GPC6: variants seen among roughly 807,000 people sequenced by gnomAD.
The protein encoded by GPC6 is glypican-6.
Under a neutral mutation model 55.2 loss-of-function variants are expected in GPC6, and 14 were observed. That is an observed-to-expected ratio of 0.25 (90% CI 0.17 to 0.40). GPC6 has a LOEUF of 0.40. Ranked by LOEUF, GPC6 falls within the 10% of genes least tolerant of loss-of-function variation. The pLI, the probability that GPC6 is intolerant of heterozygous loss-of-function variation, is 1.00. For missense variants in GPC6, 641 were observed against 708.5 expected, an observed-to-expected ratio of 0.90 and a Z score of 1.08; for synonymous variants, 278 against 259.6, an observed-to-expected ratio of 1.07 and a Z score of -0.68.
intron 6 of GPC6, among the ~76,000 whole-genome samples, chr13:94,336,985 C>A (rs569829976): frequency 2.6e-5 from 4 of 152,102 alleles, no homozygotes; most frequent in South Asian, 2.1e-4. Context: ...TTATAGAAAC[C>A]CTTCTAACTG....
intron 4 of GPC6, among the ~76,000 whole-genome samples, chr13:94,161,117 T>C (rs1418995572): frequency 6.6e-6 from 1 of 152,238 alleles, no homozygotes; most frequent in Non-Finnish European, 1.5e-5. Flanking sequence ...GTGAATCATA[T>C]TTTATTAAAT....
At chr13:94,087,906 T>A (rs1885346794) in intron 4 of GPC6, among the ~76,000 whole-genome samples, 1 of 152,224 alleles carries the variant, frequency 6.6e-6, no homozygotes, top group Non-Finnish European at 1.5e-5. Context: ...GCAGCAATCA[T>A]TTCTTTGTGG....
intron 2 of GPC6, among the ~76,000 whole-genome samples, chr13:93,565,379 C>T (rs1485035988): frequency 6.6e-6 from 1 of 152,122 alleles, no homozygotes; most frequent in African/African-American, 2.4e-5. Context: ...GCTTATATGG[C>T]AACATTTTAA....
intron 5 of GPC6, among the ~76,000 whole-genome samples, chr13:94,299,540 G>A (rs1875528472): frequency 6.6e-6 from 1 of 152,192 alleles, no homozygotes; most frequent in African/African-American, 2.4e-5. Context: ...CTCATGGGCT[G>A]GATTAGTAGT....
chr13:93,827,892 A>C (rs1887321326), intron 2 of GPC6, among the ~76,000 whole-genome samples: 1 of 144,352 alleles, frequency 6.9e-6, no homozygotes, highest in East Asian at 2.1e-4. Flanking sequence ...CAGAAGAAAA[A>C]ATAAAAAAAA....
intron 3 of GPC6, among the ~76,000 whole-genome samples, chr13:93,936,100 C>A (rs1186709355): frequency 6.6e-6 from 1 of 152,068 alleles, no homozygotes; most frequent in Non-Finnish European, 1.5e-5. Flanking sequence ...TACATAAGAA[C>A]CAAAACATTG....
chr13:94,142,063 A>G (rs1887398726), intron 4 of GPC6, among the ~76,000 whole-genome samples: 1 of 151,698 alleles, frequency 6.6e-6, no homozygotes, highest in South Asian at 2.1e-4. Flanking sequence ...TGCCTATACT[A>G]TCATTCAAAA....
At chr13:93,709,867 C>A (rs1296297579) in intron 2 of GPC6, among the ~76,000 whole-genome samples, 1 of 151,624 alleles carries the variant, frequency 6.6e-6, no homozygotes, top group Non-Finnish European at 1.5e-5. Flanking sequence ...ACCAGATTCC[C>A]GTCAGGAAGT....
intron 2 of GPC6, among the ~76,000 whole-genome samples, chr13:93,798,891 C>T (rs944624695): frequency 6.8e-5 from 9 of 132,592 alleles, no homozygotes; most frequent in African/African-American, 2.7e-4. Context: ...TGCACTCCAG[C>T]CTGGGTGACA....
At chr13:93,837,804 A>C (rs1277854970) in intron 3 of GPC6, among the ~76,000 whole-genome samples, 1 of 152,198 alleles carries the variant, frequency 6.6e-6, no homozygotes, top group Admixed American at 6.5e-5. Context: ...ACCATGTGTT[A>C]AAGGTTGCAT....
At chr13:93,296,523 C>G (rs554733292) in intron 1 of GPC6, among the ~76,000 whole-genome samples, 2 of 152,180 alleles carry the variant, frequency 1.3e-5, no homozygotes, top group South Asian at 4.1e-4. Context: ...GATGTTCTTT[C>G]TGCTTGAGAC....
At chr13:93,860,152 C>G (rs1888763675) in intron 3 of GPC6, among the ~76,000 whole-genome samples, 1 of 151,610 alleles carries the variant, frequency 6.6e-6, no homozygotes, top group African/African-American at 2.4e-5. Context: ...TTGGGCCACC[C>G]TAAATCAAAT....
chr13:93,557,804 T>G (rs1179594193), intron 2 of GPC6, among the ~76,000 whole-genome samples: 1 of 152,234 alleles, frequency 6.6e-6, no homozygotes, highest in Non-Finnish European at 1.5e-5. Flanking sequence ...ATAAGTTTTA[T>G]ATATTTTTAA....
intron 2 of GPC6, among the ~76,000 whole-genome samples, chr13:93,632,617 GTA>G (rs201000882): frequency 1.7e-3 from 87 of 51,736 alleles, no homozygotes; most frequent in African/African-American, 2.3e-3. Context: ...GTATATATAT[GTA>G]TATATATATA....
At chr13:93,604,854 GAATGAATAAACACAGGTGTTTGT>G (rs1878174096) in intron 2 of GPC6, among the ~76,000 whole-genome samples, 1 of 152,146 alleles carries the variant, frequency 6.6e-6, no homozygotes, top group South Asian at 2.1e-4. Context: ...AAGAGTGAGT[GAATGAATAAACACAGGTGTTTGT>G]AAGGCGACAT....
chr13:94,127,828 G>A (rs902575418), intron 4 of GPC6, among the ~76,000 whole-genome samples: 7 of 152,092 alleles, frequency 4.6e-5, no homozygotes, highest in African/African-American at 7.2e-5. Flanking sequence ...TTTTAAATTC[G>A]TTTTTAGAGT....
intron 6 of GPC6, among the ~76,000 whole-genome samples, chr13:94,320,976 A>G (rs577559250): frequency 1.4e-3 from 207 of 152,334 alleles, no homozygotes; most frequent in Non-Finnish European, 2.1e-3. Context: ...GGTAAATTGC[A>G]TGTCACAAAG....
chr13:93,554,986 A>C (rs562531760), intron 2 of GPC6, among the ~76,000 whole-genome samples: 9 of 152,320 alleles, frequency 5.9e-5, no homozygotes, highest in African/African-American at 2.2e-4. Flanking sequence ...CCTTCCTAGC[A>C]GTCCAGTAGA....
At chr13:93,439,862 C>T (rs1240805086) in intron 1 of GPC6, among the ~76,000 whole-genome samples, 2 of 152,064 alleles carry the variant, frequency 1.3e-5, no homozygotes, top group Non-Finnish European at 2.9e-5. Context: ...TTCCTAAGTA[C>T]GTGTCCCTAA....
Sources: gnomAD v4.1 joint callset for allele counts (sites outside exome capture counted in the v4.1 genomes callset) on GRCh38, gnomAD v4.1.1 for gene constraint, MANE v1.5 for transcripts, NCBI Gene and HGNC (gene_info 2026-07-23, HGNC 2026-07-21) for gene names.